SEC16A: variants seen among roughly 807,000 people sequenced by gnomAD.
The protein encoded by SEC16A is SEC16 homolog A, endoplasmic reticulum export factor, also known as protein transport protein Sec16A.
SEC16A carries 110 observed loss-of-function variants against 221.9 expected under a neutral mutation model. The observed-to-expected ratio is 0.50, with a 90% CI of 0.42 to 0.58. The LOEUF (loss-of-function observed/expected upper bound fraction) is 0.58, where lower values mean the gene tolerates loss of function less well. SEC16A is among the 20% of genes least tolerant of loss of function. SEC16A has a pLI of 0.00. For missense variants in SEC16A, 3,165 were observed against 3,097.8 expected, an observed-to-expected ratio of 1.02 and a Z score of -0.52; for synonymous variants, 1,393 against 1,257.7, an observed-to-expected ratio of 1.11 and a Z score of -2.28.
rs1391061184 is a variant in SEC16A, at chr9:136,447,575, T to C, written c.6553A>G (p.Arg2185Gly). 6.8e-6 allele frequency: 11 copies of C among 1,612,246 alleles called. No individual in the cohort carries two copies. Among genetic ancestry groups the C allele is most frequent in the Non-Finnish European group, 9.3e-6 (11 of 1,178,426 alleles). Residue 2185 changes from arginine to glycine, a missense_variant, in exon 26 of 32, where the codon AGA (arginine) becomes GGA (glycine). Arg to Gly is a moderately radical substitution (Grantham distance 125). Transcript: ENST00000684901. The surrounding 1 kb of genome is among the most constrained non-coding windows in gnomAD (Gnocchi z 5.5). ...ACTCCAAGGCCACCCTTACCTGCTC[T>C]TCTAGAGTACATGTTCACGGGGGCT... is the stretch of plus-strand genomic sequence containing the variant. ...PGAPVNMYSR[R>G]AAGTRARYVD... is the part of the protein sequence containing the mutation.
In SEC16A at chr9:136,457,522, G is replaced by A. The variant is rs777411662; in HGVS notation, c.5472C>T (p.His1824=). 1.9e-6 allele frequency: 3 copies of A among 1,610,740 alleles called. No homozygotes were observed. Among genetic ancestry groups the A allele is most frequent in the Non-Finnish European group, 2.5e-6 (3 of 1,178,372 alleles). ...AEMGLATQAF[H]YCEAIAKSIL... ...TGCTCTTCGCGATGGCCTCACAGTA[G>A]TGGAAGGCTTGCGTGGCCAGCCCCA... Residue 1824 remains histidine (H), a synonymous_variant, in exon 18 of 32, where the codon CAC becomes CAT. Transcript: ENST00000684901.
chr9:136,483,026 C>G lies in SEC16A; in HGVS notation c.-280G>C. 2.0e-5 allele frequency: 20 copies of G among 985,326 alleles called. No homozygotes were observed. Among genetic ancestry groups the G allele is most frequent in the Non-Finnish European group, 2.4e-5 (20 of 829,832 alleles). The allele number at this position is 985,326 out of a possible 1,614,324, so 61.0% of individuals were successfully genotyped here. A position where few individuals can be genotyped will look rare whatever the true frequency, so the allele number is the denominator to read the frequency against. On this transcript the variant is annotated 5_prime_UTR_variant, in exon 1 of 32. It removes an upstream start codon present in the reference 5' UTR. Transcript: ENST00000684901. ...GCACAGACACCTCAGCCGCCGCAGC[C>G]ATCTTGGCACATCCGGCTCGGGTCT...
upstream of SEC16A, chr9:136,484,610 T>C (rs1314523583): frequency 2.9e-6 from 4 of 1,359,334 alleles, no homozygotes; most frequent in Admixed American, 1.9e-5. Context: ...CCTCCCTGGG[T>C]GGGAGCCACC....
Position 136,466,584 on chromosome 9 carries a change from A to C in SEC16A, c.3930-122T>G, listed in dbSNP as rs943908972. ...CTGGGGCCGAGGCACAACACAGCAC[A>C]CCCGACACTCAGGGCCCTCTGACGT... On this transcript the variant is annotated intron_variant, in intron 6 of 31. Coordinates refer to ENST00000684901, the MANE Select transcript of SEC16A (RefSeq NM_014866.2). The surrounding 1 kb of genome is among the most constrained non-coding windows in gnomAD (Gnocchi z 5.5). 3.4e-6 allele frequency: 3 copies of C among 878,606 alleles called. No individual in the cohort carries two copies. Among genetic ancestry groups the C allele is most frequent in the South Asian group, 1.8e-5 (1 of 56,042 alleles). 54.4% of individuals were successfully genotyped at this position (878,606 alleles called of 1,614,324 possible).
In SEC16A at chr9:136,466,236, C is replaced by T. The variant is rs969741525; in HGVS notation, c.4128+28G>A. ...GATGGTGGTTCTAAACACAACCGTC[C>T]GCGTGTCTGTGAGGCGCCGCCGCGT... On this transcript the variant is annotated intron_variant, in intron 7 of 31. Transcript: ENST00000684901. The surrounding 1 kb of genome is among the most constrained non-coding windows in gnomAD (Gnocchi z 5.5). 17 of 1,587,564 alleles carry T rather than the reference C, an allele frequency of 1.1e-5. No individual in the cohort carries two copies. The highest frequency in any genetic ancestry group is 1.5e-5 in the Non-Finnish European group (17 of 1,165,012).
chr9:136,459,040 C>T lies in SEC16A; in HGVS notation c.5409+94G>A, dbSNP rs531010701. On this transcript the variant is annotated intron_variant, in intron 17 of 31. Transcript: ENST00000684901. The surrounding 1 kb of genome is among the most constrained non-coding windows in gnomAD (Gnocchi z 6.1). The stretch of plus-strand genomic sequence containing the variant: ...CCCAAAAAACTCACATCATTTTTTT[C>T]GATACCAATTCAAACAATCTAAGTA... 154 of 789,424 alleles carry T rather than the reference C, an allele frequency of 2.0e-4. No individual in the cohort carries two copies. Among genetic ancestry groups the T allele is most frequent in the Non-Finnish European group, 2.6e-4 (133 of 512,108 alleles). The allele number at this position is 789,424 out of a possible 1,614,324, so 48.9% of individuals were successfully genotyped here. A position where few individuals can be genotyped will look rare whatever the true frequency, so the allele number is the denominator to read the frequency against.
Position 136,476,675 on chromosome 9 carries a change from C to T in SEC16A, c.941G>A (p.Ser314Asn). The T allele has an allele frequency of 6.4e-7, 1 of 1,569,836 alleles. No individual in the cohort carries two copies. Among genetic ancestry groups the T allele is most frequent in the South Asian group, 1.2e-5 (1 of 84,234 alleles). Reference protein sequence around the residue: ...QNPRIVNHWASPELRQNPGVK... With the variant: ...QNPRIVNHWANPELRQNPGVK... Reference sequence around the variant, plus strand: ...TCCTGGATTCTGCCTGAGCTCTGGGCTTGCCCAGTGATTCACAATTCTGGG... The same window carrying T: ...TCCTGGATTCTGCCTGAGCTCTGGGTTTGCCCAGTGATTCACAATTCTGGG... The change falls in exon 3 of 32, where the codon AGC (serine) becomes AAC (asparagine). Residue 314 changes from serine to asparagine, a missense_variant. Physicochemically the swap from Ser to Asn is conservative, Grantham distance 46. Around this residue, in one of 3 missense-constraint regions of SEC16A, gnomAD observed 2,030 missense variants for 1,923.1 expected, o/e 1.06. Transcript: ENST00000684901.
chr9:136,458,541 T>C (rs10870066), intron 17 of SEC16A, among the ~76,000 whole-genome samples: 18,155 of 150,786 alleles, frequency 0.12, 1,399 homozygotes, highest in Admixed American at 0.24. Flanking sequence ...GGAAGGAGAA[T>C]GGCGTGAACT....
chr9:136,454,380 T>C (rs2132099102), intron 20 of SEC16A, 53 bp from the exon 21 acceptor site: 1 of 1,474,618 alleles, frequency 6.8e-7, no homozygotes, highest in South Asian at 1.2e-5. Context: ...TAGCTTGAGT[T>C]ACTGGAAGGA....
intron 1 of SEC16A, among the ~76,000 whole-genome samples, chr9:136,480,657 C>T (rs1017450234): frequency 6.6e-6 from 1 of 152,140 alleles, no homozygotes; most frequent in South Asian, 2.1e-4. Flanking sequence ...TTTGGGAGGC[C>T]GAGGCGGGCA....
chr9:136,471,200 C>T (rs1470771605), intron 4 of SEC16A, among the ~76,000 whole-genome samples: 1 of 151,908 alleles, frequency 6.6e-6, no homozygotes, highest in Non-Finnish European at 1.5e-5. Context: ...GGCGCAGTGG[C>T]TAATGCCTGT....
intron 23 of SEC16A, 69 bp downstream of exon 23, chr9:136,451,187 G>C (rs1256837936): frequency 2.0e-6 from 3 of 1,501,734 alleles, no homozygotes; most frequent in African/African-American, 2.8e-5. Context: ...AGAGGATGGC[G>C]CTCTGGGAAG....
upstream of SEC16A, chr9:136,484,657 G>A (rs769178010): frequency 1.0e-5 from 14 of 1,365,950 alleles, no homozygotes; most frequent in South Asian, 1.6e-4. Context: ...GTGAGGGAGG[G>A]GGTGATATCC....
At position 136,460,123 on chromosome 9, in the gene SEC16A, C is replaced by G; in HGVS notation, c.4992G>C (p.Arg1664Ser). Residue 1664 changes from arginine (R) to serine (S), a missense_variant and splice_region_variant, in exon 14 of 32, where the codon AGG (arginine) becomes AGC (serine). By Grantham distance (110) the Arg-to-Ser change is moderately radical. Coordinates refer to ENST00000684901, the MANE Select transcript of SEC16A (RefSeq NM_014866.2). ...CGTTGATTGGGAGGCTGTTAGCAAA[C>G]CTAGGCAGACATAAACACAGAAAGA... Reference protein sequence around the residue: ...DSRTHARVMTRFANSLPINDP... With the variant: ...DSRTHARVMTSFANSLPINDP... 4 of 1,601,100 alleles carry G rather than the reference C, an allele frequency of 2.5e-6. No individual in the cohort carries two copies. In the South Asian group the frequency reaches 4.5e-5, roughly 18 times the overall value.
At position 136,474,553 on chromosome 9, in the gene SEC16A, T is replaced by C; in HGVS notation, c.3063A>G (p.Gln1021=). ...ATTGTCTGGGATGACTGGCAACACT[T>C]TGCTGAGAAGCGAGGCTGTCAGAAT... ...PSHSDSLASQ[Q]SVASHPRQSG... Residue 1021 remains glutamine, a synonymous_variant, in exon 3 of 32, where the codon CAA becomes CAG. Coordinates refer to ENST00000684901, the MANE Select transcript of SEC16A (RefSeq NM_014866.2). 1.2e-6 allele frequency: 2 copies of C among 1,612,886 alleles called. No homozygotes were observed. Among genetic ancestry groups the C allele is most frequent in the Non-Finnish European group, 1.7e-6 (2 of 1,179,818 alleles).
rs1454823227 is a variant in SEC16A at position 136,476,136 on chromosome 9, C to G, written c.1480G>C (p.Gly494Arg). The G allele has an allele frequency of 3.1e-6, 5 of 1,613,682 alleles. No individual in the cohort carries two copies. The highest frequency in any genetic ancestry group is 1.7e-5 in the Admixed American group (1 of 60,004). ...GCACCATGCCTGGGCACAGCTGGCC[C>G]AGGAAGGGGCCCATATCTGAACTGG... Reference protein sequence around the residue: ...SDQFRYGPLPGPAVPRHGAVC... With the variant: ...SDQFRYGPLPRPAVPRHGAVC... Residue 494 changes from glycine to arginine, a missense_variant, in exon 3 of 32, where the codon GGG (glycine) becomes CGG (arginine). Gly to Arg is a moderately radical substitution (Grantham distance 125). This residue lies in a region of SEC16A where 2,030 missense variants were observed against 1,923.1 expected (regional missense o/e 1.06). Transcript: ENST00000684901.
chr9:136,477,377 C>A lies in SEC16A; in HGVS notation c.239G>T (p.Gly80Val). ...CTGAGAAAACCCTGCGGGGGCTGGG[C>A]CTTGCAAGACAGGTGGACTGCTTTT... Reference protein sequence around the residue: ...SSKSSPPVLQGPAPAGFSQHP... With the variant: ...SSKSSPPVLQVPAPAGFSQHP... Residue 80 changes from glycine to valine, a missense_variant, in exon 3 of 32, where the codon GGC becomes GTC. Physicochemically the swap from Gly to Val is moderately radical, Grantham distance 109 (BLOSUM62 -3). Around this residue, in one of 3 missense-constraint regions of SEC16A, gnomAD observed 2,030 missense variants for 1,923.1 expected, o/e 1.06. Coordinates refer to ENST00000684901, the MANE Select transcript of SEC16A (RefSeq NM_014866.2). 6.2e-7 allele frequency: 1 copy of A among 1,613,944 alleles called. No homozygotes were observed. Among genetic ancestry groups the A allele is most frequent in the Non-Finnish European group, 8.5e-7 (1 of 1,179,876 alleles).
In SEC16A at chr9:136,462,978, G is replaced by C. The variant is rs1032979317; in HGVS notation, c.4802C>G (p.Ser1601Cys). ...EEEESGEAQL[S>C]FLTGGPAAAA... ...AGCCGCCGGACCACCAGTGAGGAAAGAGAGCTGGGCCTCACCAGACTCCTC... is the reference window on the plus strand; with the variant it reads ...AGCCGCCGGACCACCAGTGAGGAAACAGAGCTGGGCCTCACCAGACTCCTC... The change falls in exon 12 of 32, where the codon TCT becomes TGT. Residue 1601 changes from serine (S) to cysteine (C), a missense_variant. Physicochemically the swap from Ser to Cys is moderately radical, Grantham distance 112 (BLOSUM62 -1). Coordinates refer to ENST00000684901, the MANE Select transcript of SEC16A (RefSeq NM_014866.2). 2 of 1,609,444 alleles carry C rather than the reference G, an allele frequency of 1.2e-6. No homozygotes were observed. Among genetic ancestry groups the C allele is most frequent in the African/African-American group, 1.3e-5 (1 of 74,950 alleles).
rs746070589 is a variant in SEC16A at position 136,476,096 on chromosome 9, C to G, written c.1520G>C (p.Gly507Ala). 1.2e-6 allele frequency: 2 copies of G among 1,613,518 alleles called. No individual in the cohort carries two copies. The highest frequency in any genetic ancestry group is 1.7e-6 in the Non-Finnish European group (2 of 1,179,868). The change falls in exon 3 of 32, where the codon GGA becomes GCA. Residue 507 changes from glycine to alanine, a missense_variant. By Grantham distance (60) the Gly-to-Ala change is moderately conservative (BLOSUM62 0). Around this residue, in one of 3 missense-constraint regions of SEC16A, gnomAD observed 2,030 missense variants for 1,923.1 expected, o/e 1.06. Transcript: ENST00000684901. The stretch of plus-strand genomic sequence containing the variant: ...TGTATGCAGTGTGGCATCAGGGGCT[C>G]CGGTGTGGCACACAGCACCATGCCT... The part of the protein sequence containing the change: ...VPRHGAVCHT[G>A]APDATLHTVH...
Sources: gnomAD v4.1 joint callset for allele counts (sites outside exome capture counted in the v4.1 genomes callset) on GRCh38, gnomAD v4.1.1 for gene constraint, gnomAD v4.1.1 regional missense constraint, Gnocchi (gnomAD v3.1) non-coding constraint, MANE v1.5 for transcripts, NCBI Gene and HGNC (gene_info 2026-07-23, HGNC 2026-07-21) for gene names.